The following SOCS2 variants were observed in gnomAD, a reference collection of about 807,000 sequenced individuals.
SOCS2 encodes the protein CIS-2.
A neutral mutation model predicts 18.6 loss-of-function variants in SOCS2; 10 were observed. The ratio of observed to expected loss-of-function variants is 0.54; its 90% CI spans 0.33 to 0.91. SOCS2 has a LOEUF of 0.91. Ranked by LOEUF, SOCS2 falls within the 40% of genes least tolerant of loss-of-function variation. SOCS2 has a pLI of 0.02. For missense variants in SOCS2, 231 were observed against 247.2 expected, an observed-to-expected ratio of 0.93 and a Z score of 0.44; for synonymous variants, 104 against 104.0, an observed-to-expected ratio of 1.00 and a Z score of 0.00.
the SOCS2 span, among the ~76,000 whole-genome samples, chr12:93,600,891 G>T: frequency 2.6e-5 from 4 of 151,380 alleles, no homozygotes; most frequent in African/African-American, 4.9e-5. Context: ...TGGGCTCAAG[G>T]GGTCCTTTTG....
At chr12:93,613,792 T>C in the SOCS2 span, among the ~76,000 whole-genome samples, 3 of 152,200 alleles carry the variant, frequency 2.0e-5, no homozygotes, top group African/African-American at 7.2e-5. Flanking sequence ...AATAATATAT[T>C]AATTAGCTTA....
At chr12:93,573,505 C>T (rs960928050) in intron 1 of SOCS2, 22 of 276,880 alleles carry the variant, frequency 7.9e-5, no homozygotes, top group Non-Finnish European at 1.2e-4. Flanking sequence ...GCCGCGAGGG[C>T]GGCTGCCCGG....
At chr12:93,593,052 C>T in the SOCS2 span, among the ~76,000 whole-genome samples, 1 of 151,760 alleles carries the variant, frequency 6.6e-6, no homozygotes, top group Admixed American at 6.6e-5. Context: ...TCCTGGTTTC[C>T]TGCCTTCTCT....
At chr12:93,600,349 G>A in the SOCS2 span, among the ~76,000 whole-genome samples, 6 of 151,608 alleles carry the variant, frequency 4.0e-5, no homozygotes, top group East Asian at 1.9e-4. Context: ...CTATTTGTCC[G>A]TCTCCACACC....
the SOCS2 span, among the ~76,000 whole-genome samples, chr12:93,614,615 CT>C: frequency 1.0e-5 from 1 of 96,268 alleles, no homozygotes; most frequent in African/African-American, 4.7e-5. Context: ...TTCTTTCTTT[CT>C]TTCTTTCTTT....
the SOCS2 span, among the ~76,000 whole-genome samples, chr12:93,622,648 C>G: frequency 6.6e-6 from 1 of 152,206 alleles, no homozygotes; most frequent in Non-Finnish European, 1.5e-5. Context: ...TGCCAATACT[C>G]TGGTTGGAAG....
chr12:93,603,338 C>T, the SOCS2 span, among the ~76,000 whole-genome samples: 2 of 152,126 alleles, frequency 1.3e-5, no homozygotes, highest in Non-Finnish European at 2.9e-5. Context: ...TTGTTATTAT[C>T]CCTATTTTTT....
At chr12:93,581,729 C>T (rs1476054975), downstream of SOCS2, among the ~76,000 whole-genome samples, 2 of 151,962 alleles carry the variant, frequency 1.3e-5, no homozygotes, top group Non-Finnish European at 2.9e-5. Context: ...TTTCTGCCAA[C>T]GTTTATTGAA....
At chr12:93,614,540 C>CTTCTTTCTTTCTCTTTCTTTCT in the SOCS2 span, among the ~76,000 whole-genome samples, 1 of 37,132 alleles carries the variant, frequency 2.7e-5, no homozygotes, top group African/African-American at 1.7e-4. Context: ...TCCTTCCTTC[C>CTTCTTTCTTTCTCTTTCTTTCT]TTCTTTCTTT....
chr12:93,614,446 C>T, the SOCS2 span, among the ~76,000 whole-genome samples: 461 of 68,366 alleles, frequency 6.7e-3, 20 homozygotes, highest in African/African-American at 0.035. Flanking sequence ...TTCCTTCCTT[C>T]CTTCCTTCCT....
chr12:93,579,980 G>A (rs1361599192), downstream of SOCS2, among the ~76,000 whole-genome samples: 1 of 152,208 alleles, frequency 6.6e-6, no homozygotes, highest in Non-Finnish European at 1.5e-5. Context: ...GATCAGAAGT[G>A]CATTTTGTGA....
At chr12:93,584,385 G>A (rs750198248), downstream of SOCS2, among the ~76,000 whole-genome samples, 26 of 152,184 alleles carry the variant, frequency 1.7e-4, no homozygotes, top group Admixed American at 3.9e-4. Context: ...TTGGGGTCTA[G>A]TGCAAGACCT....
chr12:93,588,836 G>A, the SOCS2 span, among the ~76,000 whole-genome samples: 1 of 152,042 alleles, frequency 6.6e-6, no homozygotes, highest in Non-Finnish European at 1.5e-5. Context: ...TGGCCAGGCT[G>A]GTCTTGAACT....
downstream of SOCS2, among the ~76,000 whole-genome samples, chr12:93,585,593 T>C (rs1289711416): frequency 2.6e-5 from 4 of 152,240 alleles, no homozygotes; most frequent in African/African-American, 7.2e-5. Context: ...CTTCTTTTTT[T>C]CTGCCTAGCT....
chr12:93,613,824 G>A, the SOCS2 span, among the ~76,000 whole-genome samples: 12,776 of 152,098 alleles, frequency 0.084, 848 homozygotes, highest in East Asian at 0.26. Context: ...CCACACTGTA[G>A]TCAAAATCAT....
downstream of SOCS2, among the ~76,000 whole-genome samples, chr12:93,585,374 G>A (rs1350414755): frequency 6.6e-6 from 1 of 152,116 alleles, no homozygotes; most frequent in African/African-American, 2.4e-5. Context: ...GATGGGCAAG[G>A]AGAATCAGAG....
At chr12:93,600,912 C>T in the SOCS2 span, among the ~76,000 whole-genome samples, 2 of 151,638 alleles carry the variant, frequency 1.3e-5, no homozygotes, top group Non-Finnish European at 2.9e-5. Flanking sequence ...CTTCAGCCTC[C>T]CAAGTAGCTG....
At chr12:93,597,945 T>G in the SOCS2 span, among the ~76,000 whole-genome samples, 2 of 152,212 alleles carry the variant, frequency 1.3e-5, no homozygotes, top group East Asian at 3.8e-4. Context: ...AAAATTCACA[T>G]AAGTCAACAA....
chr12:93,572,862 G>A lies in SOCS2; in HGVS notation c.-36G>A, dbSNP rs535576896. ...GAACCCTTCTCTGACCCCAGCTCGG[G>A]CGGCCACCTGTCTTTGCCGCGGTGA... On this transcript the variant is annotated 5_prime_UTR_variant, in exon 1 of 2. Transcript: ENST00000551556. This position sits in a 1 kb window ranked among gnomAD's most constrained non-coding sequence, Gnocchi z 5.0. 3.8e-6 allele frequency: 6 copies of A among 1,559,180 alleles called. No individual in the cohort carries two copies. In the African/African-American group the frequency reaches 4.1e-5, roughly 11 times the overall value.
Sources: allele counts gnomAD v4.1 joint callset (sites outside exome capture counted in the v4.1 genomes callset), GRCh38; gene constraint gnomAD v4.1.1; non-coding constraint Gnocchi (gnomAD v3.1); transcripts MANE v1.5; gene names NCBI Gene and HGNC (gene_info 2026-07-23, HGNC 2026-07-21).